The following IGSF21 variants were observed in gnomAD, a reference collection of about 807,000 sequenced individuals.
IGSF21 encodes immunoglobulin superfamily member 21.
Under a neutral mutation model 46.8 loss-of-function variants are expected in IGSF21, and 28 were observed. The ratio of observed to expected loss-of-function variants is 0.60; its 90% CI spans 0.44 to 0.82. The LOEUF is 0.82. Among genes scored for constraint, IGSF21 ranks in the 40% least tolerant of loss-of-function variants. The probability of loss-of-function intolerance (pLI) is 0.00; values close to 1 mark genes in which losing one functional copy is unlikely to be tolerated. For missense variants in IGSF21, 624 were observed against 665.5 expected (o/e 0.94, Z 0.69); for synonymous variants, 284 against 273.6 (o/e 1.04, Z -0.38).
intron 1 of IGSF21, among the ~76,000 whole-genome samples, chr1:18,187,472 G>A (rs1053105133): frequency 6.6e-6 from 1 of 152,176 alleles, no homozygotes; most frequent in African/African-American, 2.4e-5. Context: ...GGCGACAGCA[G>A]CAAAGAATCA....
chr1:18,276,245 C>T (rs1424200929), intron 2 of IGSF21, among the ~76,000 whole-genome samples: 1 of 152,196 alleles, frequency 6.6e-6, no homozygotes, highest in Non-Finnish European at 1.5e-5. Flanking sequence ...CTGGTGTCTG[C>T]TGGGATCACT....
At chr1:18,256,795 A>C (rs1019460978) in intron 2 of IGSF21, among the ~76,000 whole-genome samples, 2 of 152,188 alleles carry the variant, frequency 1.3e-5, no homozygotes, top group African/African-American at 4.8e-5. Flanking sequence ...AAATAATTTA[A>C]TAAAGACTTT....
intron 1 of IGSF21, among the ~76,000 whole-genome samples, chr1:18,144,801 C>T (rs1268689508): frequency 2.6e-5 from 4 of 152,116 alleles, no homozygotes; most frequent in Non-Finnish European, 4.4e-5. Context: ...GAGATTCCTG[C>T]TGGGGCCCTT....
At chr1:18,265,835 G>T (rs1194076172) in intron 2 of IGSF21, among the ~76,000 whole-genome samples, 1 of 152,210 alleles carries the variant, frequency 6.6e-6, no homozygotes, top group Non-Finnish European at 1.5e-5. Flanking sequence ...AAGCTCGCAG[G>T]CTGAGGAGCG....
At chr1:18,333,219 T>G (rs1281787930) in intron 3 of IGSF21, among the ~76,000 whole-genome samples, 1 of 152,166 alleles carries the variant, frequency 6.6e-6, no homozygotes, top group Non-Finnish European at 1.5e-5. Flanking sequence ...TTCCCATAGT[T>G]TTCTGCTATG....
At chr1:18,137,383 A>G (rs1036831538) in intron 1 of IGSF21, among the ~76,000 whole-genome samples, 5 of 152,140 alleles carry the variant, frequency 3.3e-5, no homozygotes, top group Non-Finnish European at 5.9e-5. Context: ...TTAGGTGGGG[A>G]CACACATCCA....
intron 4 of IGSF21, among the ~76,000 whole-genome samples, chr1:18,349,787 T>C (rs2085931762): frequency 6.6e-6 from 1 of 152,052 alleles, no homozygotes; most frequent in South Asian, 2.1e-4. Context: ...CCAAGCGCAG[T>C]GTGCCTCATT....
At chr1:18,156,322 C>T (rs2086567599) in intron 1 of IGSF21, among the ~76,000 whole-genome samples, 1 of 152,208 alleles carries the variant, frequency 6.6e-6, no homozygotes, top group Non-Finnish European at 1.5e-5. Context: ...CCACTGGGCA[C>T]TCCTCGCTGG....
At chr1:18,145,735 GGCAGGTTCATAAGGAATGC>G (rs1469992552) in intron 1 of IGSF21, among the ~76,000 whole-genome samples, 1 of 152,324 alleles carries the variant, frequency 6.6e-6, no homozygotes, top group East Asian at 1.9e-4. Context: ...CGGCAAATGT[GGCAGGTTCATAAGGAATGC>G]GCAGGGCACC....
chr1:18,265,886 C>T (rs1001806482), intron 2 of IGSF21, among the ~76,000 whole-genome samples: 2 of 152,206 alleles, frequency 1.3e-5, no homozygotes, highest in African/African-American at 4.8e-5. Flanking sequence ...GCGCCTGGGC[C>T]TTCCACTGGC....
intron 3 of IGSF21, among the ~76,000 whole-genome samples, chr1:18,296,189 T>C (rs1037189563): frequency 6.6e-6 from 1 of 152,184 alleles, no homozygotes; most frequent in Non-Finnish European, 1.5e-5. Context: ...GCTCATTCCA[T>C]CAGCTTCCTG....
intron 5 of IGSF21, 82 bp downstream of exon 5, chr1:18,362,312 A>G: frequency 1.0e-6 from 1 of 987,706 alleles, no homozygotes. Flanking sequence ...AGGTGTCGCC[A>G]CTGTGCCTGG....
At chr1:18,242,182 C>A (rs559152986) in intron 2 of IGSF21, among the ~76,000 whole-genome samples, 1 of 152,168 alleles carries the variant, frequency 6.6e-6, no homozygotes, top group African/African-American at 2.4e-5. Flanking sequence ...ACAGGCAGCA[C>A]GGTTCACCTA....
chr1:18,309,494 T>A (rs2085460826), intron 3 of IGSF21, among the ~76,000 whole-genome samples: 1 of 152,208 alleles, frequency 6.6e-6, no homozygotes, highest in Non-Finnish European at 1.5e-5. Flanking sequence ...GTTAGGGTAC[T>A]GGCCCTTCTC....
At chr1:18,330,460 T>C (rs2085700911) in intron 3 of IGSF21, among the ~76,000 whole-genome samples, 1 of 152,118 alleles carries the variant, frequency 6.6e-6, no homozygotes, top group Non-Finnish European at 1.5e-5. Context: ...AGAAAATAAC[T>C]TGGCTCATGG....
intron 1 of IGSF21, among the ~76,000 whole-genome samples, chr1:18,192,342 C>T (rs533447054): frequency 5.3e-5 from 8 of 152,320 alleles, no homozygotes; most frequent in Admixed American, 4.6e-4. Flanking sequence ...TCTTTCAAGG[C>T]ATATTAGTGA....
At chr1:18,374,029 GC>G (rs140953365) in intron 6 of IGSF21, among the ~76,000 whole-genome samples, 3,099 of 152,224 alleles carry the variant, frequency 0.02, 82 homozygotes, top group East Asian at 0.11. Flanking sequence ...AAAGGTGTCT[GC>G]CCCTGCCCTC....
At chr1:18,121,002 C>T (rs1369716986) in intron 1 of IGSF21, among the ~76,000 whole-genome samples, 4 of 152,160 alleles carry the variant, frequency 2.6e-5, no homozygotes, top group East Asian at 1.9e-4. Context: ...CACACGGAGA[C>T]GTTCTTTCTC....
intron 4 of IGSF21, among the ~76,000 whole-genome samples, chr1:18,346,281 C>A (rs1253734058): frequency 2.0e-5 from 3 of 152,120 alleles, no homozygotes; most frequent in Admixed American, 1.3e-4. Context: ...CAATCACACG[C>A]CCTCCACTGT....
Sources: allele counts gnomAD v4.1 joint callset (sites outside exome capture counted in the v4.1 genomes callset), GRCh38; gene constraint gnomAD v4.1.1; transcripts MANE v1.5; gene names NCBI Gene and HGNC (gene_info 2026-07-23, HGNC 2026-07-21).